Variants in ARHGAP15 observed in about 807,000 individuals in gnomAD.
The protein encoded by ARHGAP15 is rho GTPase-activating protein 15.
A neutral mutation model predicts 63.7 loss-of-function variants in ARHGAP15; 51 were observed. That is an observed-to-expected ratio of 0.80 (90% CI 0.64 to 1.01). ARHGAP15 has a LOEUF of 1.01. ARHGAP15 is among the 50% of genes least tolerant of loss of function. ARHGAP15 has a pLI of 0.00. For synonymous variants in ARHGAP15, 191 were observed against 193.8 expected, an observed-to-expected ratio of 0.99 and a Z score of 0.12; for missense variants, 560 against 564.6, an observed-to-expected ratio of 0.99 and a Z score of 0.08.
chr2:143,346,418 C>T (rs962739503), intron 6 of ARHGAP15, among the ~76,000 whole-genome samples: 2 of 152,008 alleles, frequency 1.3e-5, no homozygotes, highest in Non-Finnish European at 2.9e-5. Context: ...ACAAACACCA[C>T]GGATTCTTTA....
Position 143,753,358 on chromosome 2 carries a change from G to A in ARHGAP15, c.1245-14631G>A, listed in dbSNP as rs1686454105. ...ATAATTATCAAATTGACAAATGTAC[G>A]AATGGCCCCTTAACAGACTAAGAGC... On this transcript the variant is annotated intron_variant, in intron 13 of 13. Transcript: ENST00000295095. Among the ~76,000 whole-genome samples the A allele has an allele frequency of 4.6e-5, 7 of 152,222 alleles. No individual in the cohort carries two copies. The South Asian group carries it at 1.2e-3, about 27-fold the overall frequency.
At chr2:143,257,687 C>T (rs1008262029) in intron 6 of ARHGAP15, among the ~76,000 whole-genome samples, 7 of 152,092 alleles carry the variant, frequency 4.6e-5, no homozygotes, top group Non-Finnish European at 7.4e-5. Flanking sequence ...CCATGGGCTC[C>T]TGTGGCTTGC....
intron 13 of ARHGAP15, among the ~76,000 whole-genome samples, chr2:143,726,608 C>T (rs1685291162): frequency 6.6e-6 from 1 of 152,146 alleles, no homozygotes; most frequent in South Asian, 2.1e-4. Flanking sequence ...AATTACACTC[C>T]AAACCACACC....
At chr2:143,163,017 G>A (rs1474196080) in intron 2 of ARHGAP15, among the ~76,000 whole-genome samples, 6 of 151,988 alleles carry the variant, frequency 3.9e-5, no homozygotes, top group African/African-American at 1.4e-4. Flanking sequence ...TTTCAAAAAT[G>A]TATTTTAATA....
At position 143,445,153 on chromosome 2, in the gene ARHGAP15, A is replaced by T. The variant is rs142093598; in HGVS notation, c.703+8111A>T. On this transcript the variant is annotated intron_variant, in intron 8 of 13. Transcript: ENST00000295095. ...TTGAAGTCAAAGATTAAGAACAATT[A>T]TTTTTTTTTTTTTTTTTTTTTTTTT... Among the ~76,000 whole-genome samples, 420 of 74,542 alleles carry T rather than the reference A, an allele frequency of 5.6e-3. 2 individuals are homozygous for T. Among genetic ancestry groups the T allele is most frequent in the Admixed American group, 0.013 (63 of 4,722 alleles). 48.9% of individuals were successfully genotyped at this position (74,542 alleles called of 152,430 possible). A position where few individuals can be genotyped will look rare whatever the true frequency, so the allele number is the denominator to read the frequency against.
chr2:143,264,747 TA>T (rs1230818362), intron 6 of ARHGAP15, among the ~76,000 whole-genome samples: 2 of 152,120 alleles, frequency 1.3e-5, no homozygotes, highest in African/African-American at 2.4e-5. Context: ...GTAATATGTC[TA>T]CAAATACAGT....
chr2:143,556,178 T>C (rs1271894169), intron 10 of ARHGAP15, among the ~76,000 whole-genome samples: 1 of 152,132 alleles, frequency 6.6e-6, no homozygotes, highest in African/African-American at 2.4e-5. Flanking sequence ...TTCTACCCAC[T>C]GCTCTTTTTG....
intron 13 of ARHGAP15, among the ~76,000 whole-genome samples, chr2:143,748,392 T>C (rs1686247649): frequency 6.6e-6 from 1 of 152,148 alleles, no homozygotes; most frequent in Non-Finnish European, 1.5e-5. Context: ...ATCACTCTAA[T>C]ATAGGGGGAA....
chr2:143,153,825 TTCTTCTTCTTCTTCTTCTTCCTCC>T (rs1558779324), intron 1 of ARHGAP15, among the ~76,000 whole-genome samples: 1 of 80,092 alleles, frequency 1.2e-5, no homozygotes, highest in African/African-American at 4.4e-5. Flanking sequence ...CTTCTTCTTC[TTCTTCTTCTTCTTCTTCTTCCTCC>T]TCCTCCTCCT....
intron 6 of ARHGAP15, among the ~76,000 whole-genome samples, chr2:143,382,154 C>A (rs1267218826): frequency 1.3e-5 from 2 of 151,334 alleles, no homozygotes; most frequent in African/African-American, 4.9e-5. Flanking sequence ...TCCTCCCTTC[C>A]TTCCACCAGC....
chr2:143,247,316 A>G (rs548904077), intron 5 of ARHGAP15: 10 of 152,668 alleles, frequency 6.6e-5, no homozygotes, highest in African/African-American at 1.9e-4. Flanking sequence ...GCCCTCCGCC[A>G]CTGGGCTGTG....
intron 13 of ARHGAP15, among the ~76,000 whole-genome samples, chr2:143,742,903 T>C (rs1000257904): frequency 3.9e-5 from 6 of 152,194 alleles, no homozygotes; most frequent in African/African-American, 1.4e-4. Context: ...CAGACTTTTC[T>C]CACTGCCAGC....
chr2:143,503,441 A>T (rs1693164211), intron 9 of ARHGAP15, among the ~76,000 whole-genome samples: 1 of 152,196 alleles, frequency 6.6e-6, no homozygotes, highest in Admixed American at 6.5e-5. Flanking sequence ...TGGCTCTGCT[A>T]CTTACTTGTT....
intron 13 of ARHGAP15, among the ~76,000 whole-genome samples, chr2:143,742,695 G>C: frequency 6.6e-6 from 1 of 152,184 alleles, no homozygotes; most frequent in East Asian, 1.9e-4. Context: ...GGTGTTTTGC[G>C]TGCTAGCCTC....
At chr2:143,430,758 G>A (rs1476871709) in intron 6 of ARHGAP15, among the ~76,000 whole-genome samples, 1 of 151,882 alleles carries the variant, frequency 6.6e-6, no homozygotes, top group Non-Finnish European at 1.5e-5. Context: ...ATATCATGAA[G>A]TCCAAAGTCT....
At chr2:143,233,646 C>CTTTTTTTTTTTTTTTTTTTTT (rs558684012) in intron 5 of ARHGAP15, among the ~76,000 whole-genome samples, 1 of 132,194 alleles carries the variant, frequency 7.6e-6, no homozygotes, top group Non-Finnish European at 1.6e-5. Context: ...CAATAGCTAT[C>CTTTTTTTTTTTTTTTTTTTTT]TTTTTTTTTT....
intron 11 of ARHGAP15, among the ~76,000 whole-genome samples, chr2:143,616,634 C>T (rs2678290): frequency 0.24 from 36,746 of 151,996 alleles, 5,044 homozygotes; most frequent in East Asian, 0.57. Context: ...CTCCCTCTGT[C>T]GTAATTCAAG....
intron 6 of ARHGAP15, among the ~76,000 whole-genome samples, chr2:143,294,433 T>C (rs1340402459): frequency 6.6e-6 from 1 of 152,044 alleles, no homozygotes; most frequent in East Asian, 1.9e-4. Flanking sequence ...AGAATTTTAT[T>C]TTGCACTCAT....
At chr2:143,228,470 T>C (rs968161614) in intron 4 of ARHGAP15, 111 bp from the exon 5 acceptor site, 6 of 555,800 alleles carry the variant, frequency 1.1e-5, no homozygotes, top group Admixed American at 3.7e-5. Flanking sequence ...TTAGCAAGAC[T>C]GTTAAAAATA....
Sources: allele counts gnomAD v4.1 joint callset (sites outside exome capture counted in the v4.1 genomes callset), GRCh38; gene constraint gnomAD v4.1.1; transcripts MANE v1.5; gene names NCBI Gene and HGNC (gene_info 2026-07-23, HGNC 2026-07-21).